Variants in ASCC3 observed in about 807,000 individuals in gnomAD.
ASCC3 encodes the protein ASC-1 complex subunit P200.
Under a neutral mutation model 256.3 loss-of-function variants are expected in ASCC3, and 158 were observed. That is an observed-to-expected ratio of 0.62 (90% CI 0.54 to 0.70). The LOEUF (loss-of-function observed/expected upper bound fraction) is 0.70, where lower values mean the gene tolerates loss of function less well. Ranked by LOEUF, ASCC3 falls within the 30% of genes least tolerant of loss-of-function variation. ASCC3 has a pLI of 0.00. For synonymous variants in ASCC3, 948 were observed against 883.4 expected (o/e 1.07, Z -1.30); for missense variants, 2,259 against 2,626.0 (o/e 0.86, Z 3.05).
At chr6:100,764,331 G>T (rs887126801) in intron 10 of ASCC3, among the ~76,000 whole-genome samples, 3 of 152,054 alleles carry the variant, frequency 2.0e-5, no homozygotes, top group Admixed American at 6.6e-5. Context: ...GGCAAGATTT[G>T]GACAAATGTC....
At chr6:100,592,752 T>C (rs1369651323) in intron 34 of ASCC3, among the ~76,000 whole-genome samples, 5 of 152,096 alleles carry the variant, frequency 3.3e-5, no homozygotes, top group Non-Finnish European at 7.4e-5. Context: ...ATTTTAATAA[T>C]CACTTTACTA....
chr6:100,811,183 T>C (rs1458229897), intron 4 of ASCC3, among the ~76,000 whole-genome samples: 2 of 152,196 alleles, frequency 1.3e-5, no homozygotes, highest in Non-Finnish European at 2.9e-5. Flanking sequence ...CTCCAGTTTT[T>C]CCACAATCTT....
chr6:100,559,061 A>C (rs1769786348), intron 36 of ASCC3, among the ~76,000 whole-genome samples: 1 of 152,204 alleles, frequency 6.6e-6, no homozygotes, highest in Non-Finnish European at 1.5e-5. Flanking sequence ...TCATTATGTA[A>C]GGTGTGAATA....
intron 14 of ASCC3, among the ~76,000 whole-genome samples, chr6:100,671,848 A>G (rs1437750427): frequency 1.3e-5 from 2 of 152,102 alleles, no homozygotes; most frequent in African/African-American, 4.8e-5. Context: ...ATGATTAAAT[A>G]ACATGATTTT....
At position 100,800,309 on chromosome 6, in the gene ASCC3, C is replaced by T. The variant is rs767632869; in HGVS notation, c.1118G>A (p.Arg373Gln). 80 of 1,612,406 alleles carry T rather than the reference C, an allele frequency of 5.0e-5. No individual in the cohort carries two copies. The highest frequency in any genetic ancestry group is 7.7e-5 in the South Asian group (7 of 91,048). The change falls in exon 6 of 42, where the codon CGG (arginine) becomes CAG (glutamine). Residue 373 changes from arginine (R) to glutamine (Q), a missense_variant. Physicochemically the swap from Arg to Gln is conservative, Grantham distance 43. Coordinates refer to ENST00000369162, the MANE Select transcript of ASCC3 (RefSeq NM_006828.4). ...TCCTGGCTTTTATTACCTTTGTATCCGCAATTCCTTAGGATCAAAGCACAT... is the reference window on the plus strand; with the variant it reads ...TCCTGGCTTTTATTACCTTTGTATCTGCAATTCCTTAGGATCAAAGCACAT... ...GLMCFDPKEL[R>Q]IQREQALLNA...
chr6:100,522,152 C>T (rs528380315), intron 37 of ASCC3, among the ~76,000 whole-genome samples: 73 of 152,228 alleles, frequency 4.8e-4, no homozygotes, highest in Middle Eastern at 6.8e-3. Context: ...CTACTTGACA[C>T]TCTATCTACC....
At chr6:100,607,576 C>A (rs1048340443) in intron 30 of ASCC3, among the ~76,000 whole-genome samples, 3 of 151,954 alleles carry the variant, frequency 2.0e-5, no homozygotes, top group African/African-American at 7.2e-5. Context: ...ACAAGTCACA[C>A]AACCTCACTA....
Position 100,881,311 on chromosome 6 carries a change from C to CACAGA in ASCC3, c.-293_-292insTCTGT, listed in dbSNP as rs1391879580. 3.3e-5 allele frequency: 5 copies of CACAGA among 152,408 alleles called. No homozygotes were observed. In the East Asian group the frequency reaches 9.7e-4, roughly 30 times the overall value. 9.4% of individuals were successfully genotyped at this position (152,408 alleles called of 1,614,324 possible). ...AGACAGACGCAAAGACGCACAGACC[C>CACAGA]GGCGAGGAGGGACAGAGTGGAGCTG... On this transcript the variant is annotated 5_prime_UTR_variant, in exon 1 of 42. Coordinates refer to ENST00000369162, the MANE Select transcript of ASCC3 (RefSeq NM_006828.4).
intron 10 of ASCC3, among the ~76,000 whole-genome samples, chr6:100,727,178 C>A (rs547239140): frequency 4.9e-4 from 75 of 151,992 alleles, no homozygotes; most frequent in African/African-American, 1.7e-3. Flanking sequence ...AAGTGTATTC[C>A]TCCTTGAGGA....
intron 37 of ASCC3, chr6:100,531,192 A>T (rs1490902883): frequency 6.5e-6 from 4 of 614,990 alleles, no homozygotes; most frequent in Non-Finnish European, 8.7e-6. Flanking sequence ...TTAAGGATAC[A>T]TCTTGGACCA....
intron 30 of ASCC3, among the ~76,000 whole-genome samples, chr6:100,614,497 C>T (rs539204141): frequency 2.4e-4 from 36 of 152,224 alleles, no homozygotes; most frequent in South Asian, 1.5e-3. Flanking sequence ...CACAACATTC[C>T]TATGAGGATG....
intron 4 of ASCC3, among the ~76,000 whole-genome samples, chr6:100,838,208 G>T (rs1771971150): frequency 1.3e-5 from 2 of 151,926 alleles, no homozygotes; most frequent in Non-Finnish European, 2.9e-5. Context: ...TGCAATTTTA[G>T]ATTTGCATGT....
intron 24 of ASCC3, among the ~76,000 whole-genome samples, chr6:100,641,060 C>T (rs1417641212): frequency 2.0e-5 from 3 of 152,054 alleles, no homozygotes; most frequent in South Asian, 2.1e-4. Flanking sequence ...AAGAAATAAA[C>T]TTATTATACT....
At chr6:100,579,753 A>G (rs1771103825) in intron 36 of ASCC3, among the ~76,000 whole-genome samples, 1 of 152,088 alleles carries the variant, frequency 6.6e-6, no homozygotes, top group Non-Finnish European at 1.5e-5. Context: ...GTTTGAAGTC[A>G]GGTAACATGA....
intron 8 of ASCC3, among the ~76,000 whole-genome samples, chr6:100,783,956 G>T (rs1445360215): frequency 6.6e-6 from 1 of 152,056 alleles, no homozygotes; most frequent in African/African-American, 2.4e-5. Context: ...TTTTAAAGAG[G>T]GGGGAAGTAG....
chr6:100,633,578 G>C (rs1279685122), intron 25 of ASCC3, among the ~76,000 whole-genome samples: 1 of 151,910 alleles, frequency 6.6e-6, no homozygotes, highest in East Asian at 1.9e-4. Flanking sequence ...TAAGAAATTT[G>C]TGCCAGGCTG....
At position 100,510,053 on chromosome 6, in the gene ASCC3, C is replaced by CT; in HGVS notation, c.6339dup (p.Gly2114ArgfsTer11). 1 of 1,614,154 alleles carries CT rather than the reference C, an allele frequency of 6.2e-7. No homozygotes were observed. The highest frequency in any genetic ancestry group is 8.5e-7 in the Non-Finnish European group (1 of 1,180,030). ...ACTTCTCCTAATATCAAAAACCATCCTTCGTCTTTTGATTTGGGAAATCGA... is the reference window on the plus strand; with the variant it reads ...ACTTCTCCTAATATCAAAAACCATCCTTTCGTCTTTTGATTTGGGAAATCGA... On this transcript the variant is annotated frameshift_variant, in exon 41 of 42. Transcript: ENST00000369162. LOFTEE classifies it high-confidence loss of function.
At chr6:100,654,485 A>G (rs1290531691) in intron 17 of ASCC3, among the ~76,000 whole-genome samples, 1 of 152,040 alleles carries the variant, frequency 6.6e-6, no homozygotes, top group Non-Finnish European at 1.5e-5. Context: ...TAAATTGTTT[A>G]GTTTTTGTTT....
intron 11 of ASCC3, among the ~76,000 whole-genome samples, chr6:100,725,224 C>A (rs371188867): frequency 6.6e-6 from 1 of 151,796 alleles, no homozygotes; most frequent in Non-Finnish European, 1.5e-5. Context: ...GTACAATCTA[C>A]CAGAAAACAT....
Sources: allele counts gnomAD v4.1 joint callset (sites outside exome capture counted in the v4.1 genomes callset), GRCh38; gene constraint gnomAD v4.1.1; transcripts MANE v1.5; gene names NCBI Gene and HGNC (gene_info 2026-07-23, HGNC 2026-07-21).